ADGB: variants seen among roughly 807,000 people sequenced by gnomAD.
ADGB encodes calpain-7-like protein.
ADGB carries 172 observed loss-of-function variants against 210.5 expected under a neutral mutation model. The observed-to-expected ratio is 0.82, with a 90% CI of 0.72 to 0.93. The LOEUF (loss-of-function observed/expected upper bound fraction) is 0.93, where lower values mean the gene tolerates loss of function less well. ADGB is among the 40% of genes least tolerant of loss of function. The probability of loss-of-function intolerance (pLI) is 0.00; values close to 1 mark genes in which losing one functional copy is unlikely to be tolerated. For missense variants in ADGB, 2,025 were observed against 1,964.8 expected (o/e 1.03, Z -0.58); for synonymous variants, 658 against 662.7 (o/e 0.99, Z 0.11).
chr6:146,770,611 T>C (rs1427922464), intron 29 of ADGB: 2 of 469,598 alleles, frequency 4.3e-6, no homozygotes, highest in East Asian at 7.0e-5. Flanking sequence ...TGACCTCAGG[T>C]ATGTGTAAAT....
chr6:146,748,385 G>A (rs188005621), intron 26 of ADGB, among the ~76,000 whole-genome samples: 192 of 152,266 alleles, frequency 1.3e-3, no homozygotes, highest in Middle Eastern at 6.8e-3. Context: ...GCAGAGCTGT[G>A]GAAACTATTA....
At chr6:146,714,388 T>A (rs971076289) in intron 13 of ADGB, among the ~76,000 whole-genome samples, 1 of 152,060 alleles carries the variant, frequency 6.6e-6, no homozygotes, top group African/African-American at 2.4e-5. Context: ...CAGGGAATGG[T>A]ATATACTTGT....
At chr6:146,767,063 A>G (rs150807593) in intron 28 of ADGB, among the ~76,000 whole-genome samples, 1 of 152,302 alleles carries the variant, frequency 6.6e-6, no homozygotes, top group East Asian at 1.9e-4. Flanking sequence ...CTTCTTCATC[A>G]TAAATGTTAC....
intron 1 of ADGB, among the ~76,000 whole-genome samples, chr6:146,632,166 TACC>T (rs1003711236): frequency 6.6e-6 from 1 of 152,144 alleles, no homozygotes; most frequent in Non-Finnish European, 1.5e-5. Context: ...CTCACTGAGC[TACC>T]AACAAGGTTT....
In ADGB at chr6:146,741,186, T is replaced by C; in HGVS notation, c.3092T>C (p.Ile1031Thr). The change falls in exon 25 of 36, where the codon ATC (isoleucine) becomes ACC (threonine). Residue 1031 changes from isoleucine (I) to threonine (T), a missense_variant. By Grantham distance (89) the Ile-to-Thr change is moderately conservative (BLOSUM62 -1). Coordinates refer to ENST00000397944, the MANE Select transcript of ADGB (RefSeq NM_024694.4). ...PKVYTTLPIC[I>T]LHIVNNDTME... ...GTATATACTACACTTCCAATCTGTA[T>C]CCTACACATTGTTAATAATGACACA... 6.4e-7 allele frequency: 1 copy of C among 1,550,496 alleles called. No homozygotes were observed. The highest frequency in any genetic ancestry group is 2.4e-5 in the East Asian group (1 of 40,856).
chr6:146,743,024 CCT>C (rs1421989085), intron 25 of ADGB, among the ~76,000 whole-genome samples: 1 of 152,140 alleles, frequency 6.6e-6, no homozygotes, highest in East Asian at 1.9e-4. Context: ...CAGCAGAATG[CCT>C]TGGGTTAAAC....
At chr6:146,677,168 T>C (rs1279398888) in intron 9 of ADGB, among the ~76,000 whole-genome samples, 1 of 152,150 alleles carries the variant, frequency 6.6e-6, no homozygotes, top group East Asian at 1.9e-4. Context: ...ATAAGTAGCC[T>C]TTAAACAAAT....
Position 146,691,305 on chromosome 6 carries a change from A to C in ADGB, c.1486+15A>C, listed in dbSNP as rs1776304127. 6.6e-7 allele frequency: 1 copy of C among 1,517,566 alleles called. No homozygotes were observed. Among genetic ancestry groups the C allele is most frequent in the African/African-American group, 1.4e-5 (1 of 69,642 alleles). The allele number at this position is 1,517,566 out of a possible 1,614,324, so 94.0% of individuals were successfully genotyped here. Reference sequence around the variant, plus strand: ...TGAAGCTCAAGGTATGTATCACATCATCTTCAAATCCTTCTAATTAATGTA... The same window carrying C: ...TGAAGCTCAAGGTATGTATCACATCCTCTTCAAATCCTTCTAATTAATGTA... On this transcript the variant is annotated intron_variant, in intron 11 of 35. Coordinates refer to ENST00000397944, the MANE Select transcript of ADGB (RefSeq NM_024694.4).
At chr6:146,773,877 T>C (rs1777688131) in intron 29 of ADGB, among the ~76,000 whole-genome samples, 1 of 152,166 alleles carries the variant, frequency 6.6e-6, no homozygotes, top group Non-Finnish European at 1.5e-5. Flanking sequence ...ATTGACCCAA[T>C]TAATCTTCCC....
At chr6:146,639,584 T>A (rs1775477437) in intron 2 of ADGB, 1 of 152,062 alleles carries the variant, frequency 6.6e-6, no homozygotes, top group South Asian at 2.1e-4. Context: ...AGTCAAACTA[T>A]CCCTGTTTGC....
At chr6:146,675,246 G>A (rs1477325524) in intron 8 of ADGB, among the ~76,000 whole-genome samples, 1 of 152,008 alleles carries the variant, frequency 6.6e-6, no homozygotes, top group Non-Finnish European at 1.5e-5. Context: ...TTGAGCTCAG[G>A]AGTTCAAGAC....
intron 4 of ADGB, among the ~76,000 whole-genome samples, chr6:146,656,029 C>T (rs561869488): frequency 6.8e-6 from 1 of 146,014 alleles, no homozygotes; most frequent in Non-Finnish European, 1.6e-5. Flanking sequence ...TGTTTCTAGT[C>T]CTCACAAAAA....
At chr6:146,711,414 A>T (rs2114557961) in intron 13 of ADGB, among the ~76,000 whole-genome samples, 1 of 152,116 alleles carries the variant, frequency 6.6e-6, no homozygotes, top group East Asian at 1.9e-4. Context: ...TTCAGTGCAA[A>T]CTGAGAGAAC....
intron 33 of ADGB, among the ~76,000 whole-genome samples, chr6:146,797,419 T>C (rs1317560500): frequency 6.6e-6 from 1 of 152,050 alleles, no homozygotes; most frequent in Non-Finnish European, 1.5e-5. Context: ...GCAGCACAAT[T>C]TGCAATTGCA....
chr6:146,704,962 A>G (rs566148902), intron 13 of ADGB, among the ~76,000 whole-genome samples: 1 of 152,136 alleles, frequency 6.6e-6, no homozygotes, highest in Non-Finnish European at 1.5e-5. Context: ...TCAGTTCATG[A>G]ACATGGGACA....
At chr6:146,606,207 G>T (rs537122311) in intron 1 of ADGB, among the ~76,000 whole-genome samples, 1 of 151,874 alleles carries the variant, frequency 6.6e-6, no homozygotes, top group South Asian at 2.1e-4. Context: ...ATGCTTGTTG[G>T]CTGTCTGTTT....
intron 13 of ADGB, among the ~76,000 whole-genome samples, chr6:146,713,617 A>C (rs942682724): frequency 1.3e-5 from 2 of 152,064 alleles, no homozygotes; most frequent in Admixed American, 6.5e-5. Context: ...TGTTCTTTTT[A>C]GAAATTCTAT....
intron 12 of ADGB, among the ~76,000 whole-genome samples, chr6:146,700,647 T>A (rs1403005303): frequency 6.6e-6 from 1 of 152,136 alleles, no homozygotes; most frequent in Non-Finnish European, 1.5e-5. Flanking sequence ...ATTCCACATA[T>A]CAAATTTCTG....
chr6:146,689,700 T>C (rs1776276028), intron 10 of ADGB, among the ~76,000 whole-genome samples: 1 of 152,162 alleles, frequency 6.6e-6, no homozygotes, highest in Non-Finnish European at 1.5e-5. Flanking sequence ...ATTTTGGATA[T>C]TATTCAAATG....
Sources: gnomAD v4.1 joint callset for allele counts (sites outside exome capture counted in the v4.1 genomes callset) on GRCh38, gnomAD v4.1.1 for gene constraint, MANE v1.5 for transcripts, NCBI Gene and HGNC (gene_info 2026-07-23, HGNC 2026-07-21) for gene names.